The following MDFIC2 variants were observed in gnomAD, a reference collection of about 807,000 sequenced individuals.
MDFIC2 encodes the protein myoD family inhibitor domain-containing protein 2.
intron 3 of MDFIC2, among the ~76,000 whole-genome samples, chr3:70,201,195 C>T (rs567444180): frequency 6.6e-6 from 1 of 152,196 alleles, no homozygotes; most frequent in Non-Finnish European, 1.5e-5. Flanking sequence ...TCTCCCTCCT[C>T]TCACCCTCCA....
intron 2 of MDFIC2, chr3:70,271,823 G>A (rs1245455405): frequency 6.6e-6 from 1 of 152,244 alleles, no homozygotes; most frequent in East Asian, 1.9e-4. Flanking sequence ...GAGTGGAATG[G>A]CGTGATCTCG....
chr3:70,303,835 C>G (rs1344717210), intron 2 of MDFIC2, among the ~76,000 whole-genome samples: 3 of 151,968 alleles, frequency 2.0e-5, no homozygotes, highest in African/African-American at 7.3e-5. Context: ...GCATGTGCCA[C>G]CATGCCTGTG....
chr3:70,266,157 A>G (rs1190184649), intron 2 of MDFIC2, among the ~76,000 whole-genome samples: 1 of 152,180 alleles, frequency 6.6e-6, no homozygotes, highest in African/African-American at 2.4e-5. Context: ...CCTTAAGCAG[A>G]ATGTTGCTTT....
intron 2 of MDFIC2, among the ~76,000 whole-genome samples, chr3:70,214,438 G>C (rs1253550012): frequency 6.6e-6 from 1 of 151,996 alleles, no homozygotes; most frequent in Non-Finnish European, 1.5e-5. Flanking sequence ...TTTAAAAAGA[G>C]AGAAAAGGCT....
chr3:70,281,081 T>C (rs1239656432), intron 2 of MDFIC2, among the ~76,000 whole-genome samples: 1 of 152,234 alleles, frequency 6.6e-6, no homozygotes, highest in African/African-American at 2.4e-5. Flanking sequence ...AAATTTTGTA[T>C]GCCTTTTCTC....
chr3:70,226,219 C>A (rs1406599679), intron 2 of MDFIC2, among the ~76,000 whole-genome samples: 2 of 152,174 alleles, frequency 1.3e-5, no homozygotes, highest in African/African-American at 2.4e-5. Context: ...AGGCAATATA[C>A]TAGCTGCTGG....
intron 2 of MDFIC2, among the ~76,000 whole-genome samples, chr3:70,287,087 A>G (rs1210553867): frequency 2.8e-5 from 4 of 141,650 alleles, no homozygotes; most frequent in Non-Finnish European, 6.1e-5. Context: ...AGAACTTCCA[A>G]CACTATGTTG....
At chr3:70,267,981 GCCTCCCCTTTCA>G (rs1311734746) in intron 2 of MDFIC2, among the ~76,000 whole-genome samples, 1 of 111,774 alleles carries the variant, frequency 8.9e-6, no homozygotes. Context: ...CTCCCCTTTC[GCCTCCCCTTTCA>G]CCTCCCCTTT....
At chr3:70,278,720 T>C (rs895088872) in intron 2 of MDFIC2, among the ~76,000 whole-genome samples, 2 of 152,178 alleles carry the variant, frequency 1.3e-5, no homozygotes, top group African/African-American at 4.8e-5. Flanking sequence ...ACCCAGGTTT[T>C]GAAATCAGAG....
At chr3:70,307,772 G>T (rs550882500) in intron 2 of MDFIC2, among the ~76,000 whole-genome samples, 4 of 152,042 alleles carry the variant, frequency 2.6e-5, no homozygotes, top group Non-Finnish European at 5.9e-5. Context: ...TTGTCCTCAG[G>T]CCTCCAGTGA....
intron 2 of MDFIC2, among the ~76,000 whole-genome samples, chr3:70,250,842 AGGTTGAATG>A (rs1472062692): frequency 6.6e-6 from 1 of 152,202 alleles, no homozygotes; most frequent in Non-Finnish European, 1.5e-5. Flanking sequence ...AGGGAAAGCC[AGGTTGAATG>A]GGCAGACTGT....
rs542449007 is a variant in MDFIC2 at position 70,206,603 on chromosome 3, T to C, written c.276A>G (p.Gln92=). ...CTCTGTGATGAACTGAAGTATCAGT[T>C]TGGAGGTAAGAAAATGTTGTTTGGC... The part of the protein sequence containing the change: ...EECQTTFSYL[Q]TDTSVHHRDT... Residue 92 remains glutamine, a synonymous_variant, in exon 3 of 4, where the codon CAA becomes CAG. Coordinates refer to ENST00000567252, the MANE Select transcript of MDFIC2 (RefSeq NM_001364677.1). 1.5e-5 allele frequency: 6 copies of C among 397,670 alleles called. No homozygotes were observed. The highest frequency in any genetic ancestry group is 2.7e-5 in the Non-Finnish European group (6 of 225,500). 24.6% of individuals were successfully genotyped at this position (397,670 alleles called of 1,614,324 possible).
chr3:70,236,926 C>T (rs1005781444), intron 2 of MDFIC2, among the ~76,000 whole-genome samples: 3 of 152,110 alleles, frequency 2.0e-5, no homozygotes, highest in African/African-American at 7.2e-5. Context: ...AAAAATATTT[C>T]TTTATTAAGC....
chr3:70,259,212 T>C (rs1041899931), intron 2 of MDFIC2, among the ~76,000 whole-genome samples: 52 of 152,202 alleles, frequency 3.4e-4, no homozygotes, highest in African/African-American at 1.3e-3. Context: ...GAACACATTC[T>C]ATTCATAGTC....
At chr3:70,219,585 A>C (rs1701443644) in intron 2 of MDFIC2, among the ~76,000 whole-genome samples, 2 of 152,186 alleles carry the variant, frequency 1.3e-5, no homozygotes. Flanking sequence ...TAAGGATCAA[A>C]CAAATTGGGA....
chr3:70,305,044 A>C (rs1175803291), intron 2 of MDFIC2, among the ~76,000 whole-genome samples: 1 of 152,182 alleles, frequency 6.6e-6, no homozygotes, highest in Non-Finnish European at 1.5e-5. Flanking sequence ...TCTCAGCTCA[A>C]ATAACTTTCC....
At chr3:70,234,949 C>T (rs556043366) in intron 2 of MDFIC2, among the ~76,000 whole-genome samples, 1 of 152,270 alleles carries the variant, frequency 6.6e-6, no homozygotes, top group Admixed American at 6.5e-5. Flanking sequence ...TTTATTTGGT[C>T]TGGAGTGCAG....
At chr3:70,268,879 A>AT (rs772990783) in intron 2 of MDFIC2, among the ~76,000 whole-genome samples, 1 of 152,146 alleles carries the variant, frequency 6.6e-6, no homozygotes, top group Non-Finnish European at 1.5e-5. Flanking sequence ...TATGAGGATT[A>AT]TTTTTTCTGG....
intron 2 of MDFIC2, among the ~76,000 whole-genome samples, chr3:70,237,333 C>T (rs1211667061): frequency 6.6e-6 from 1 of 152,154 alleles, no homozygotes; most frequent in South Asian, 2.1e-4. Context: ...TAAACACTAC[C>T]TTGCTATGTT....
Sources: gnomAD v4.1 joint callset for allele counts (sites outside exome capture counted in the v4.1 genomes callset) on GRCh38, gnomAD v4.1.1 for gene constraint, MANE v1.5 for transcripts, NCBI Gene and HGNC (gene_info 2026-07-23, HGNC 2026-07-21) for gene names.